Variants in SCP2 observed in about 807,000 individuals in gnomAD.
SCP2 encodes SCP-2/3-oxoacyl-CoA thiolase.
A neutral mutation model predicts 71.4 loss-of-function variants in SCP2; 48 were observed. That is an observed-to-expected ratio of 0.67 (90% CI 0.53 to 0.86). SCP2 has a LOEUF of 0.86. Ranked by LOEUF, SCP2 falls within the 40% of genes least tolerant of loss-of-function variation. SCP2 has a pLI of 0.00. For missense variants in SCP2, 560 were observed against 655.6 expected, an observed-to-expected ratio of 0.85 and a Z score of 1.59; for synonymous variants, 220 against 218.1, an observed-to-expected ratio of 1.01 and a Z score of -0.08.
At chr1:52,983,771 C>T (rs1658726179) in intron 10 of SCP2, among the ~76,000 whole-genome samples, 1 of 152,098 alleles carries the variant, frequency 6.6e-6, no homozygotes, top group Non-Finnish European at 1.5e-5. Context: ...TTTAATAATT[C>T]CATAATCTGG....
intron 1 of SCP2, among the ~76,000 whole-genome samples, chr1:52,937,935 C>T (rs1423766732): frequency 6.6e-6 from 1 of 152,174 alleles, no homozygotes; most frequent in Admixed American, 6.5e-5. Context: ...TTTATACCTA[C>T]TGTTAAAAGG....
chr1:52,967,447 A>C (rs547354940), intron 6 of SCP2, among the ~76,000 whole-genome samples: 1 of 152,244 alleles, frequency 6.6e-6, no homozygotes, highest in South Asian at 2.1e-4. Flanking sequence ...TAGAAGTCTG[A>C]AAAGTAGTAT....
intron 6 of SCP2, among the ~76,000 whole-genome samples, chr1:52,970,323 C>T (rs796398990): frequency 2.0e-5 from 3 of 152,218 alleles, no homozygotes; most frequent in African/African-American, 7.2e-5. Context: ...AATCATGGTG[C>T]ACCACAGCCA....
intron 13 of SCP2, among the ~76,000 whole-genome samples, chr1:53,034,473 G>C (rs186985186): frequency 5.4e-4 from 82 of 152,280 alleles, no homozygotes; most frequent in Admixed American, 1.2e-3. Context: ...GGGAATGACT[G>C]CTAATGGGTA....
At chr1:53,017,769 GACA>G (rs1293801948) in intron 12 of SCP2, among the ~76,000 whole-genome samples, 2 of 152,246 alleles carry the variant, frequency 1.3e-5, no homozygotes, top group Non-Finnish European at 2.9e-5. Context: ...TATAAATAAA[GACA>G]ACAAGAAGCA....
At chr1:53,008,663 A>ATTTATG (rs1212897636) in intron 11 of SCP2, among the ~76,000 whole-genome samples, 14 of 152,210 alleles carry the variant, frequency 9.2e-5, no homozygotes, top group Non-Finnish European at 2.1e-4. Flanking sequence ...ACAAACCCAC[A>ATTTATG]GCCAATATCA....
At chr1:52,940,706 A>G (rs1654152809) in intron 1 of SCP2, among the ~76,000 whole-genome samples, 1 of 152,136 alleles carries the variant, frequency 6.6e-6, no homozygotes, top group African/African-American at 2.4e-5. Flanking sequence ...AGTTGTTATC[A>G]TTGTTTGGAC....
At chr1:53,005,734 A>G (rs915377661) in intron 11 of SCP2, among the ~76,000 whole-genome samples, 1 of 152,256 alleles carries the variant, frequency 6.6e-6, no homozygotes, top group African/African-American at 2.4e-5. Flanking sequence ...AAAGGAGCAC[A>G]GCTCCTCACC....
At chr1:52,940,857 C>A (rs181757676) in intron 1 of SCP2, among the ~76,000 whole-genome samples, 1 of 149,962 alleles carries the variant, frequency 6.7e-6, no homozygotes, top group Non-Finnish European at 1.5e-5. Context: ...TCAAGTGATT[C>A]TTCTGCCTCA....
At chr1:52,979,911 C>T (rs1557581849) in intron 9 of SCP2, among the ~76,000 whole-genome samples, 1 of 140,124 alleles carries the variant, frequency 7.1e-6, no homozygotes. Flanking sequence ...TCCCTTCCTT[C>T]CTCCCTTTCT....
At chr1:53,025,048 C>G (rs971094637) in intron 12 of SCP2, among the ~76,000 whole-genome samples, 49 of 152,116 alleles carry the variant, frequency 3.2e-4, no homozygotes, top group African/African-American at 1.2e-3. Flanking sequence ...GTCTATTTCC[C>G]TCTTCTATTC....
chr1:52,996,962 A>G (rs1405659355), intron 11 of SCP2, among the ~76,000 whole-genome samples: 3 of 151,940 alleles, frequency 2.0e-5, no homozygotes, highest in South Asian at 2.1e-4. Context: ...ACAGATTTCT[A>G]TTTTGAACTT....
intron 2 of SCP2, among the ~76,000 whole-genome samples, chr1:52,944,250 C>T (rs944565253): frequency 6.6e-6 from 1 of 152,192 alleles, no homozygotes; most frequent in Non-Finnish European, 1.5e-5. Context: ...CTTAGATGTT[C>T]CTGCTTATTA....
chr1:53,009,125 G>A (rs1660823316), intron 11 of SCP2, among the ~76,000 whole-genome samples: 2 of 152,296 alleles, frequency 1.3e-5, no homozygotes, highest in African/African-American at 2.4e-5. Context: ...CGAAATAAAA[G>A]AGGACACAAA....
chr1:52,966,207 C>T (rs1656938729), intron 6 of SCP2, among the ~76,000 whole-genome samples: 1 of 151,962 alleles, frequency 6.6e-6, no homozygotes, highest in Non-Finnish European at 1.5e-5. Flanking sequence ...TGTTCCTGAT[C>T]TTGGTGTTTT....
chr1:52,954,642 G>T (rs1405963157), intron 4 of SCP2, 98 bp from the exon 5 acceptor site: 1 of 989,516 alleles, frequency 1.0e-6, no homozygotes, highest in Non-Finnish European at 1.6e-6. Context: ...GAGCCATTGT[G>T]TGCTCACTTG....
chr1:53,036,916 T>C (rs1662988964), intron 13 of SCP2, among the ~76,000 whole-genome samples: 1 of 151,978 alleles, frequency 6.6e-6, no homozygotes, highest in African/African-American at 2.4e-5. Flanking sequence ...GCTGAGGCAG[T>C]GGATCACTTG....
At chr1:53,036,326 C>T (rs1020616201) in intron 13 of SCP2, among the ~76,000 whole-genome samples, 3 of 149,522 alleles carry the variant, frequency 2.0e-5, no homozygotes, top group East Asian at 1.9e-4. Context: ...TATTCAGGCT[C>T]GTGCTAACTT....
chr1:53,043,863 T>C (rs1278686085), intron 14 of SCP2, among the ~76,000 whole-genome samples: 1 of 152,214 alleles, frequency 6.6e-6, no homozygotes, highest in Non-Finnish European at 1.5e-5. Context: ...GCTGTAAATT[T>C]GTTTATTTTT....
Sources: gnomAD v4.1 joint callset for allele counts (sites outside exome capture counted in the v4.1 genomes callset) on GRCh38, gnomAD v4.1.1 for gene constraint, MANE v1.5 for transcripts, NCBI Gene and HGNC (gene_info 2026-07-23, HGNC 2026-07-21) for gene names.